PRSS23: variants seen among roughly 807,000 people sequenced by gnomAD.
The protein encoded by PRSS23 is serine protease 23.
Under a neutral mutation model 34.7 loss-of-function variants are expected in PRSS23, and 25 were observed. That is an observed-to-expected ratio of 0.72 (90% CI 0.53 to 1.01). The LOEUF is 1.01. PRSS23 is among the 50% of genes least tolerant of loss of function. The pLI, the probability that PRSS23 is intolerant of heterozygous loss-of-function variation, is 0.00. For missense variants in PRSS23, 445 were observed against 475.6 expected, an observed-to-expected ratio of 0.94 and a Z score of 0.60; for synonymous variants, 176 against 186.6, an observed-to-expected ratio of 0.94 and a Z score of 0.46.
chr11:86,808,883 C>CGTGTGTGTGTGT lies in PRSS23; in HGVS notation c.*103_*114dup, dbSNP rs35433370. 72 of 888,204 alleles carry CGTGTGTGTGTGT rather than the reference C, an allele frequency of 8.1e-5. No individual in the cohort carries two copies. The highest frequency in any genetic ancestry group is 2.3e-4 in the Middle Eastern group (1 of 4,262). The allele number at this position is 888,204 out of a possible 1,614,324, so 55.0% of individuals were successfully genotyped here. ...TTGTTTTTTGTCATTGGCGTGCACA[C>CGTGTGTGTGTGT]GTGTGTGTGTGTGTGTGTGTGTGTG... On this transcript the variant is annotated 3_prime_UTR_variant, in exon 2 of 2. Coordinates refer to ENST00000280258, the MANE Select transcript of PRSS23 (RefSeq NM_007173.6).
At chr11:86,804,838 T>C (rs1003933438) in intron 1 of PRSS23, among the ~76,000 whole-genome samples, 2 of 152,206 alleles carry the variant, frequency 1.3e-5, no homozygotes, top group African/African-American at 2.4e-5. Context: ...TGAAAGAGGA[T>C]ATTGTAACTG....
intron 2 of PRSS23, among the ~76,000 whole-genome samples, chr11:86,862,840 G>A (rs1037972768): frequency 7.0e-6 from 1 of 143,658 alleles, no homozygotes; most frequent in Non-Finnish European, 1.6e-5. Flanking sequence ...TATTTTTAAT[G>A]TCATAGGTGA....
chr11:86,834,581 T>G (rs1366981153), intron 2 of PRSS23, among the ~76,000 whole-genome samples: 3 of 145,368 alleles, frequency 2.1e-5, no homozygotes, highest in Non-Finnish European at 3.0e-5. Context: ...TCCTTTCCTT[T>G]CCTTTCCTTT....
At chr11:86,852,287 G>A (rs2134920081) in intron 2 of PRSS23, among the ~76,000 whole-genome samples, 1 of 152,312 alleles carries the variant, frequency 6.6e-6, no homozygotes, top group Non-Finnish European at 1.5e-5. Context: ...CAGGGCTGGA[G>A]GCACAGACTG....
intron 2 of PRSS23, among the ~76,000 whole-genome samples, chr11:86,858,805 T>G (rs1948591551): frequency 6.6e-6 from 1 of 151,758 alleles, no homozygotes; most frequent in African/African-American, 2.4e-5. Flanking sequence ...ACACTCCTCC[T>G]ATAATATTGT....
chr11:86,851,260 A>G (rs1027662911), intron 2 of PRSS23, among the ~76,000 whole-genome samples: 1 of 152,198 alleles, frequency 6.6e-6, no homozygotes, highest in Admixed American at 6.5e-5. Context: ...TGGAAGCCAA[A>G]CTCCAAATTT....
intron 2 of PRSS23, among the ~76,000 whole-genome samples, chr11:86,890,710 G>A (rs1390850689): frequency 6.6e-6 from 1 of 152,004 alleles, no homozygotes; most frequent in East Asian, 1.9e-4. Context: ...ATTAGGGGAA[G>A]GTGTTAAGTG....
chr11:86,940,566 A>T (rs888715534), intron 2 of PRSS23, among the ~76,000 whole-genome samples: 1 of 152,020 alleles, frequency 6.6e-6, no homozygotes, highest in Non-Finnish European at 1.5e-5. Context: ...AGCTATGTAA[A>T]AACACCAACA....
intron 2 of PRSS23, among the ~76,000 whole-genome samples, chr11:86,919,976 A>G (rs529981657): frequency 6.6e-6 from 1 of 152,292 alleles, no homozygotes; most frequent in African/African-American, 2.4e-5. Flanking sequence ...AACTTGGCCA[A>G]TGTTGCTAAA....
chr11:86,853,280 A>C (rs1282607880), intron 2 of PRSS23, among the ~76,000 whole-genome samples: 1 of 81,660 alleles, frequency 1.2e-5, no homozygotes, highest in Non-Finnish European at 2.1e-5. Context: ...TTTTTAATGG[A>C]GTCTCACTCT....
chr11:86,904,770 A>G (rs1038008558), intron 2 of PRSS23, among the ~76,000 whole-genome samples: 9 of 152,154 alleles, frequency 5.9e-5, no homozygotes, highest in African/African-American at 2.2e-4. Flanking sequence ...CCACTGGGCC[A>G]GATATGGTGG....
In PRSS23 at chr11:86,844,022, C is replaced by T. The variant is rs182882759; in HGVS notation, c.206+20429C>T. ...AAGACTTGGAACCAACCCAAATGTC[C>T]ATCAATGATAGACTGGATTAAGAAA... On this transcript the variant is annotated intron_variant, in intron 2 of 2. Coordinates refer to the PRSS23 transcript ENST00000533902. 6.4e-3 allele frequency among the ~76,000 whole-genome samples: 980 copies of T among 152,298 alleles called. 9 individuals are homozygous for T. Among genetic ancestry groups the T allele is most frequent in the Non-Finnish European group, 9.8e-3 (665 of 68,028 alleles).
intron 2 of PRSS23, among the ~76,000 whole-genome samples, chr11:86,894,481 A>G (rs1590917336): frequency 6.6e-6 from 1 of 152,176 alleles, no homozygotes; most frequent in African/African-American, 2.4e-5. Flanking sequence ...ACCCTTTGCA[A>G]TTTTTCCTGG....
upstream of PRSS23, among the ~76,000 whole-genome samples, chr11:86,799,055 A>T (rs995054309): frequency 3.3e-5 from 5 of 152,252 alleles, no homozygotes; most frequent in Middle Eastern, 3.4e-3. Flanking sequence ...AGCTAAGAAA[A>T]ATTTGCCCTT....
chr11:86,806,507 G>C (rs1181087108), intron 1 of PRSS23, among the ~76,000 whole-genome samples: 1 of 152,294 alleles, frequency 6.6e-6, no homozygotes, highest in East Asian at 1.9e-4. Flanking sequence ...TCTAAATGGT[G>C]GGTACATTTG....
intron 1 of PRSS23, among the ~76,000 whole-genome samples, chr11:86,806,530 G>A (rs1026852402): frequency 3.3e-5 from 5 of 152,182 alleles, no homozygotes; most frequent in African/African-American, 1.2e-4. Flanking sequence ...AAGAACGGGT[G>A]CATTTGCCAA....
At chr11:86,915,817 A>G (rs2212760) in intron 2 of PRSS23, among the ~76,000 whole-genome samples, 138,943 of 152,092 alleles carry the variant, frequency 0.91, 63,576 homozygotes, top group East Asian at 0.96. Context: ...GGGAGAGACT[A>G]AGGCAGGTGG....
chr11:86,839,402 A>G (rs539662181), intron 2 of PRSS23, among the ~76,000 whole-genome samples: 3 of 152,290 alleles, frequency 2.0e-5, no homozygotes, highest in Non-Finnish European at 2.9e-5. Flanking sequence ...AAGAATAGAG[A>G]AAAAAGAGGG....
At chr11:86,916,846 A>G (rs1025621705) in intron 2 of PRSS23, among the ~76,000 whole-genome samples, 2 of 152,194 alleles carry the variant, frequency 1.3e-5, no homozygotes, top group African/African-American at 2.4e-5. Flanking sequence ...TCTCAACTGT[A>G]AAACTTATAC....
Sources: allele counts gnomAD v4.1 joint callset (sites outside exome capture counted in the v4.1 genomes callset), GRCh38; gene constraint gnomAD v4.1.1; transcripts MANE v1.5; gene names NCBI Gene and HGNC (gene_info 2026-07-23, HGNC 2026-07-21).